The following C10orf90 variants were observed in gnomAD, a reference collection of about 807,000 sequenced individuals.
C10orf90 encodes the protein (E2-independent) E3 ubiquitin-conjugating enzyme FATS.
In C10orf90, 56 loss-of-function variants were observed where a neutral mutation model predicts 62.5. The observed-to-expected ratio is 0.90, with a 90% CI of 0.72 to 1.12. C10orf90 has a LOEUF of 1.12. Ranked by LOEUF, C10orf90 falls within the 50% of genes most tolerant of loss-of-function variation. The pLI is 0.00. For missense variants in C10orf90, 970 were observed against 880.4 expected, an observed-to-expected ratio of 1.10 and a Z score of -1.29; for synonymous variants, 386 against 340.4, an observed-to-expected ratio of 1.13 and a Z score of -1.47.
At chr10:126,587,786 AATG>A (rs200893619) in intron 2 of C10orf90, among the ~76,000 whole-genome samples, 2,011 of 152,314 alleles carry the variant, frequency 0.013, 34 homozygotes, top group African/African-American at 0.045. Context: ...AAGCCAGCAA[AATG>A]ATTTTTTAAG....
intron 2 of C10orf90, among the ~76,000 whole-genome samples, chr10:126,531,848 A>G (rs975430128): frequency 6.6e-6 from 1 of 152,238 alleles, no homozygotes; most frequent in African/African-American, 2.4e-5. Context: ...GGGAAGCCAC[A>G]GACTGGGATA....
intron 4 of C10orf90, among the ~76,000 whole-genome samples, chr10:126,477,039 AGCTG>A (rs937783406): frequency 6.0e-5 from 8 of 133,492 alleles, no homozygotes; most frequent in Non-Finnish European, 9.3e-5. Context: ...CCTCCCCAGC[AGCTG>A]GGACTACAGG....
At chr10:126,527,802 T>C (rs1449193759) in intron 2 of C10orf90, among the ~76,000 whole-genome samples, 1 of 152,216 alleles carries the variant, frequency 6.6e-6, no homozygotes, top group Non-Finnish European at 1.5e-5. Flanking sequence ...TAATACAATT[T>C]ATTTTTTATT....
intron 1 of C10orf90, among the ~76,000 whole-genome samples, chr10:126,658,774 AT>A (rs1846447256): frequency 6.6e-6 from 1 of 152,058 alleles, no homozygotes; most frequent in Admixed American, 6.5e-5. Flanking sequence ...TGATTGATTG[AT>A]TGATTGAAAT....
At chr10:126,454,372 G>T (rs376252535) in intron 7 of C10orf90, among the ~76,000 whole-genome samples, 22 of 151,888 alleles carry the variant, frequency 1.4e-4, no homozygotes, top group African/African-American at 5.3e-4. Context: ...ACCCCCTATT[G>T]CCTGCAGGGG....
At chr10:126,548,137 T>C (rs943737047) in intron 2 of C10orf90, among the ~76,000 whole-genome samples, 2 of 152,194 alleles carry the variant, frequency 1.3e-5, no homozygotes, top group Non-Finnish European at 2.9e-5. Context: ...TATATAGGCT[T>C]AACATAATTC....
At chr10:126,575,382 T>C (rs1409570598) in intron 2 of C10orf90, among the ~76,000 whole-genome samples, 3 of 151,638 alleles carry the variant, frequency 2.0e-5, no homozygotes, top group African/African-American at 7.3e-5. Flanking sequence ...GTGAAAGACC[T>C]CTGCAAGGAA....
At chr10:126,542,325 A>G (rs1836940) in intron 2 of C10orf90, among the ~76,000 whole-genome samples, 2,571 of 152,166 alleles carry the variant, frequency 0.017, 83 homozygotes, top group African/African-American at 0.058. Context: ...CAACATGGTG[A>G]AACCCCATCT....
At chr10:126,614,966 G>A (rs1030222496) in intron 2 of C10orf90, among the ~76,000 whole-genome samples, 1 of 152,076 alleles carries the variant, frequency 6.6e-6, no homozygotes, top group Admixed American at 6.6e-5. Context: ...TCATCATTTT[G>A]TACGTTAGCT....
At chr10:126,507,073 TG>T (rs1377425341) in intron 3 of C10orf90, among the ~76,000 whole-genome samples, 1 of 152,024 alleles carries the variant, frequency 6.6e-6, no homozygotes, top group African/African-American at 2.4e-5. Context: ...AAAGGATACA[TG>T]GGGCTGGGTG....
chr10:126,549,272 A>C (rs1193120941), intron 2 of C10orf90, among the ~76,000 whole-genome samples: 1 of 152,226 alleles, frequency 6.6e-6, no homozygotes, highest in South Asian at 2.1e-4. Flanking sequence ...CTGACAAAGG[A>C]CTAATATCTA....
At chr10:126,441,223 T>C (rs1219514762) in intron 7 of C10orf90, among the ~76,000 whole-genome samples, 1 of 152,066 alleles carries the variant, frequency 6.6e-6, no homozygotes, top group Non-Finnish European at 1.5e-5. Context: ...TGGACACACT[T>C]ATAGAAATGC....
chr10:126,431,643 CT>C (rs1857574903), intron 7 of C10orf90, among the ~76,000 whole-genome samples: 1 of 152,152 alleles, frequency 6.6e-6, no homozygotes, highest in Non-Finnish European at 1.5e-5. Flanking sequence ...CTCAGCAATC[CT>C]CATGGGCTAC....
chr10:126,612,946 G>A (rs530691068), intron 2 of C10orf90, among the ~76,000 whole-genome samples: 27 of 152,280 alleles, frequency 1.8e-4, no homozygotes, highest in Admixed American at 5.9e-4. Context: ...AGCTCCAACG[G>A]CATGTTACAT....
intron 7 of C10orf90, among the ~76,000 whole-genome samples, chr10:126,455,201 T>G (rs563426347): frequency 6.6e-6 from 1 of 152,300 alleles, no homozygotes; most frequent in South Asian, 2.1e-4. Context: ...CTACAGTTCA[T>G]CTTTCCTTGG....
At chr10:126,647,981 C>T (rs1846205486) in intron 1 of C10orf90, among the ~76,000 whole-genome samples, 1 of 152,150 alleles carries the variant, frequency 6.6e-6, no homozygotes, top group South Asian at 2.1e-4. Context: ...GTGCTATGGT[C>T]TAAATGTGTC....
intron 2 of C10orf90, among the ~76,000 whole-genome samples, chr10:126,592,858 C>T (rs565788952): frequency 1.7e-3 from 262 of 152,134 alleles, no homozygotes; most frequent in Middle Eastern, 6.8e-3. Context: ...GAAAAACAAC[C>T]CCATTAAAAG....
At chr10:126,486,849 A>C (rs1861460494) in intron 4 of C10orf90, among the ~76,000 whole-genome samples, 1 of 152,162 alleles carries the variant, frequency 6.6e-6, no homozygotes, top group Non-Finnish European at 1.5e-5. Flanking sequence ...AGAAGGAAGA[A>C]AAATAGAATG....
chr10:126,473,212 C>T (rs1233331458), intron 4 of C10orf90, among the ~76,000 whole-genome samples: 1 of 152,172 alleles, frequency 6.6e-6, no homozygotes. Flanking sequence ...TGACTACATC[C>T]ACTAACTCTT....
Sources: allele counts gnomAD v4.1 joint callset (sites outside exome capture counted in the v4.1 genomes callset), GRCh38; gene constraint gnomAD v4.1.1; transcripts MANE v1.5; gene names NCBI Gene and HGNC (gene_info 2026-07-23, HGNC 2026-07-21).